The following TSNAX variants were observed in gnomAD, a reference collection of about 807,000 sequenced individuals.
TSNAX encodes the protein translin-associated protein X.
Under a neutral mutation model 33.0 loss-of-function variants are expected in TSNAX, and 12 were observed. The ratio of observed to expected loss-of-function variants is 0.36; its 90% CI spans 0.23 to 0.59. The LOEUF (loss-of-function observed/expected upper bound fraction) is 0.59, where lower values mean the gene tolerates loss of function less well. Among genes scored for constraint, TSNAX ranks in the 20% least tolerant of loss-of-function variants. TSNAX has a pLI of 0.74. For missense variants in TSNAX, 267 were observed against 341.3 expected (o/e 0.78, Z 1.72); for synonymous variants, 110 against 117.2 (o/e 0.94, Z 0.40).
chr1:231,535,023 G>T (rs1274824410), intron 2 of TSNAX: 1 of 152,108 alleles, frequency 6.6e-6, no homozygotes, highest in Non-Finnish European at 1.5e-5. Flanking sequence ...ATGATGAGAG[G>T]CAGTAGCAAA....
intron 4 of TSNAX, among the ~76,000 whole-genome samples, chr1:231,552,018 A>G (rs143422205): frequency 0.015 from 2,333 of 151,884 alleles, 66 homozygotes; most frequent in African/African-American, 0.053. Flanking sequence ...GACCCATTCC[A>G]GGCGCGGTGG....
chr1:231,558,365 C>G (rs1660824644), intron 4 of TSNAX, among the ~76,000 whole-genome samples: 1 of 152,170 alleles, frequency 6.6e-6, no homozygotes, highest in Non-Finnish European at 1.5e-5. Flanking sequence ...CTTTACAGTT[C>G]TTTAAGCACC....
chr1:231,532,501 T>G (rs1251192285), intron 2 of TSNAX, among the ~76,000 whole-genome samples: 3 of 152,182 alleles, frequency 2.0e-5, no homozygotes, highest in South Asian at 4.2e-4. Flanking sequence ...CCTTATAATT[T>G]TTAATTGTCA....
intron 4 of TSNAX, among the ~76,000 whole-genome samples, chr1:231,545,467 G>C (rs1659841812): frequency 6.6e-6 from 1 of 152,100 alleles, no homozygotes; most frequent in Admixed American, 6.5e-5. Context: ...GTAGATTACA[G>C]ATTGTCCCAA....
chr1:231,557,481 C>T (rs549798205), intron 4 of TSNAX, among the ~76,000 whole-genome samples: 36 of 152,160 alleles, frequency 2.4e-4, no homozygotes, highest in African/African-American at 8.7e-4. Context: ...TAGAGATGTA[C>T]CCAAGCTAGA....
intron 4 of TSNAX, among the ~76,000 whole-genome samples, chr1:231,543,189 A>G (rs753712097): frequency 1.3e-5 from 2 of 151,834 alleles, no homozygotes; most frequent in Middle Eastern, 3.2e-3. Context: ...AAAAAAAAAA[A>G]TTTTGAGGGT....
At chr1:231,531,713 G>A (rs1658730284) in intron 2 of TSNAX, among the ~76,000 whole-genome samples, 1 of 151,994 alleles carries the variant, frequency 6.6e-6, no homozygotes, top group Non-Finnish European at 1.5e-5. Context: ...TTTTCAGTTC[G>A]TGCAATATAC....
chr1:231,535,228 T>A (rs1304556701), intron 2 of TSNAX: 1 of 152,224 alleles, frequency 6.6e-6, no homozygotes, highest in Non-Finnish European at 1.5e-5. Flanking sequence ...GACTCCCAGT[T>A]GTTGTACTGT....
In TSNAX at chr1:231,550,554, G is replaced by A. The variant is rs141236381; in HGVS notation, c.367+7943G>A. On this transcript the variant is annotated intron_variant, in intron 4 of 5. Coordinates refer to ENST00000366639, the MANE Select transcript of TSNAX (RefSeq NM_005999.3). ...GAGGCATGGCCCCCTGGTGGAAAGAGAAGTGGCTGTCTCTGCACATAAGGG... is the reference window on the plus strand; with the variant it reads ...GAGGCATGGCCCCCTGGTGGAAAGAAAAGTGGCTGTCTCTGCACATAAGGG... Among the ~76,000 whole-genome samples the A allele has an allele frequency of 6.5e-4, 99 of 152,350 alleles. 1 individual carries two copies. Among genetic ancestry groups the A allele is most frequent in the African/African-American group, 2.3e-3 (97 of 41,586 alleles).
intron 2 of TSNAX, among the ~76,000 whole-genome samples, chr1:231,530,093 G>A (rs919678273): frequency 6.6e-6 from 1 of 152,218 alleles, no homozygotes; most frequent in Non-Finnish European, 1.5e-5. Context: ...CTGCTTGGAT[G>A]TCCTTTGGTG....
At chr1:231,541,262 T>C (rs1257923035) in intron 3 of TSNAX, among the ~76,000 whole-genome samples, 2 of 152,212 alleles carry the variant, frequency 1.3e-5, no homozygotes, top group Non-Finnish European at 2.9e-5. Flanking sequence ...ATATATCTTA[T>C]TGTCAACTAT....
chr1:231,555,571 GTTTGT>G (rs1183773836), intron 4 of TSNAX, among the ~76,000 whole-genome samples: 5 of 152,104 alleles, frequency 3.3e-5, no homozygotes, highest in African/African-American at 1.2e-4. Context: ...TAAATGTTAT[GTTTGT>G]TTTACCACAA....
At chr1:231,558,436 G>A (rs1660828775) in intron 4 of TSNAX, among the ~76,000 whole-genome samples, 2 of 152,172 alleles carry the variant, frequency 1.3e-5, no homozygotes, top group African/African-American at 4.8e-5. Flanking sequence ...CATGCTTTAA[G>A]TATCCACCTC....
chr1:231,530,887 CA>C (rs888081126), intron 2 of TSNAX, among the ~76,000 whole-genome samples: 2 of 149,472 alleles, frequency 1.3e-5, no homozygotes, highest in Non-Finnish European at 3.0e-5. Flanking sequence ...GACTCCATCT[CA>C]AAAAAAAGAA....
intron 4 of TSNAX, among the ~76,000 whole-genome samples, chr1:231,555,527 T>C (rs916176668): frequency 1.3e-5 from 2 of 152,204 alleles, no homozygotes; most frequent in African/African-American, 2.4e-5. Flanking sequence ...GTATTTAATA[T>C]GCTAAACTGT....
chr1:231,543,814 A>G (rs1034820410), intron 4 of TSNAX, among the ~76,000 whole-genome samples: 10 of 152,210 alleles, frequency 6.6e-5, no homozygotes, highest in African/African-American at 2.4e-4. Flanking sequence ...ACAGTCTGCC[A>G]TCATAATTTA....
At position 231,564,766 on chromosome 1, in the gene TSNAX, C is replaced by A. The variant is rs1661324706; in HGVS notation, c.734C>A (p.Thr245Asn). ...TACGAGGTTTCTAAGAAGCTGTATA[C>A]CTTGAAACAAAGTTTGGCCAAAGTG... ...GPYEVSKKLYTLKQSLAKVEN... is the reference protein window; with the variant it reads ...GPYEVSKKLYNLKQSLAKVEN... Residue 245 changes from threonine to asparagine, a missense_variant, in exon 6 of 6, where the codon ACC (threonine) becomes AAC (asparagine). Around this residue, in one of 2 missense-constraint regions of TSNAX, gnomAD observed 67 missense variants for 127.2 expected, o/e 0.53. Transcript: ENST00000366639. 3 of 1,614,152 alleles carry A rather than the reference C, an allele frequency of 1.9e-6. No homozygotes were observed. Among genetic ancestry groups the A allele is most frequent in the Non-Finnish European group, 2.5e-6 (3 of 1,180,034 alleles).
intron 4 of TSNAX, among the ~76,000 whole-genome samples, chr1:231,560,606 T>C (rs918679581): frequency 1.3e-5 from 2 of 151,378 alleles, no homozygotes; most frequent in Non-Finnish European, 2.9e-5. Flanking sequence ...TTAGTAGAGA[T>C]GGGGTTTCGC....
intron 3 of TSNAX, 49 bp from the exon 4 acceptor site, chr1:231,542,432 A>C: frequency 2.5e-6 from 4 of 1,593,082 alleles, no homozygotes; most frequent in Non-Finnish European, 3.4e-6. Flanking sequence ...TTAGTTTTTC[A>C]CTGTTAAAGC....
Sources: gnomAD v4.1 joint callset for allele counts (sites outside exome capture counted in the v4.1 genomes callset) on GRCh38, gnomAD v4.1.1 for gene constraint, gnomAD v4.1.1 regional missense constraint, MANE v1.5 for transcripts, NCBI Gene and HGNC (gene_info 2026-07-23, HGNC 2026-07-21) for gene names.